GALM: variants seen among roughly 807,000 people sequenced by gnomAD.
GALM encodes the protein aldose 1-epimerase.
A neutral mutation model predicts 37.4 loss-of-function variants in GALM; 43 were observed. The ratio of observed to expected loss-of-function variants is 1.15; its 90% confidence interval spans 0.90 to 1.48. The LOEUF (loss-of-function observed/expected upper bound fraction) is 1.48, where lower values mean the gene tolerates loss of function less well. GALM is among the 40% of genes most tolerant of loss of function. The pLI, the probability that GALM is intolerant of heterozygous loss-of-function variation, is 0.00. For missense variants in GALM, 456 were observed against 419.1 expected (o/e 1.09, Z -0.77); for synonymous variants, 199 against 170.6 (o/e 1.17, Z -1.30).
intron 3 of GALM, among the ~76,000 whole-genome samples, chr2:38,686,505 C>A (rs13408331): frequency 2.4e-4 from 36 of 151,856 alleles, no homozygotes; most frequent in African/African-American, 8.5e-4. Flanking sequence ...ACCTCGTGAT[C>A]CACCCACCTT....
chr2:38,708,580 A>G (rs1666088284), intron 4 of GALM, among the ~76,000 whole-genome samples: 1 of 152,042 alleles, frequency 6.6e-6, no homozygotes, highest in Admixed American at 6.6e-5. Flanking sequence ...CCTCTACTAA[A>G]AATATGAAAA....
rs12053396 is a variant in GALM at position 38,696,851 on chromosome 2, G to A, written c.634+6957G>A. 1.0e-3 allele frequency among the ~76,000 whole-genome samples: 142 copies of A among 141,904 alleles called. 5 individuals carry two copies. In the East Asian group the frequency reaches 0.03, roughly 30 times the overall value. The allele number at this position is 141,904 out of a possible 152,430, so 93.1% of individuals were successfully genotyped here. A position where few individuals can be genotyped will look rare whatever the true frequency, so the allele number is the denominator to read the frequency against. ...GTCAACCAGGCTGGAGTGCAGTGGCGCGATCTCAGCTCACTGTAACCTCTG... is the reference window on the plus strand; with the variant it reads ...GTCAACCAGGCTGGAGTGCAGTGGCACGATCTCAGCTCACTGTAACCTCTG... On this transcript the variant is annotated intron_variant, in intron 4 of 6. Coordinates refer to ENST00000272252, the MANE Select transcript of GALM (RefSeq NM_138801.3).
At chr2:38,725,465 G>A (rs1666466199) in intron 4 of GALM, among the ~76,000 whole-genome samples, 1 of 151,812 alleles carries the variant, frequency 6.6e-6, no homozygotes, top group Non-Finnish European at 1.5e-5. Flanking sequence ...GAGCCTGGCA[G>A]GTCGAGGCTG....
intron 1 of GALM, among the ~76,000 whole-genome samples, chr2:38,672,029 G>C (rs1185615706): frequency 5.3e-5 from 8 of 151,512 alleles, no homozygotes; most frequent in African/African-American, 1.7e-4. Context: ...ATAATTATGG[G>C]GAAAAAAAAA....
intron 3 of GALM, among the ~76,000 whole-genome samples, chr2:38,682,877 C>A (rs1665428920): frequency 1.4e-5 from 2 of 143,386 alleles, no homozygotes; most frequent in Middle Eastern, 3.4e-3. Context: ...GCCTGAGCAA[C>A]AAGAGTGAAA....
rs1306164486 is a variant in GALM, at chr2:38,673,522, C to G, written c.191-2390C>G. On this transcript the variant is annotated intron_variant, in intron 1 of 6. Transcript: ENST00000272252. ...TACAGCCCCTCCCCTAAAAAGGCCCCAAACAGTTTATGCTGATTATTATAC... is the reference window on the plus strand; with the variant it reads ...TACAGCCCCTCCCCTAAAAAGGCCCGAAACAGTTTATGCTGATTATTATAC... Among the ~76,000 whole-genome samples, 3 of 152,100 alleles carry G rather than the reference C, an allele frequency of 2.0e-5. No homozygotes were observed. The East Asian group carries it at 5.8e-4, about 29-fold the overall frequency.
intron 4 of GALM, among the ~76,000 whole-genome samples, chr2:38,703,799 G>T (rs1354345671): frequency 6.6e-6 from 1 of 152,054 alleles, no homozygotes; most frequent in Non-Finnish European, 1.5e-5. Context: ...GATTGCCTGA[G>T]ATCAGGAGTT....
intron 5 of GALM, 33 bp from the exon 6 acceptor site, chr2:38,731,702 C>T: frequency 6.3e-7 from 1 of 1,587,082 alleles, no homozygotes; most frequent in Non-Finnish European, 8.6e-7. Context: ...TGCTTTTCTG[C>T]CCTGGACTCA....
At chr2:38,684,527 C>G (rs772220903) in intron 3 of GALM, among the ~76,000 whole-genome samples, 1 of 152,140 alleles carries the variant, frequency 6.6e-6, no homozygotes, top group Non-Finnish European at 1.5e-5. Flanking sequence ...AACAAACAGG[C>G]TGGGTGCGGC....
chr2:38,676,435 CTG>C (rs1341213763), intron 2 of GALM, among the ~76,000 whole-genome samples: 1 of 152,144 alleles, frequency 6.6e-6, no homozygotes, highest in Non-Finnish European at 1.5e-5. Context: ...TACTAAAACT[CTG>C]TGTTATCACT....
At chr2:38,719,328 G>A (rs1030803467) in intron 4 of GALM, among the ~76,000 whole-genome samples, 46 of 151,804 alleles carry the variant, frequency 3.0e-4, no homozygotes, top group African/African-American at 9.9e-4. Context: ...AAATTAGCCA[G>A]GCGTGGTGGC....
At chr2:38,701,666 A>G (rs1257993127) in intron 4 of GALM, among the ~76,000 whole-genome samples, 1 of 152,184 alleles carries the variant, frequency 6.6e-6, no homozygotes, top group Non-Finnish European at 1.5e-5. Flanking sequence ...TTTGTATTTT[A>G]TTTCAACCTC....
chr2:38,711,823 A>G (rs1230794225), intron 4 of GALM, among the ~76,000 whole-genome samples: 15 of 85,736 alleles, frequency 1.7e-4, no homozygotes, highest in African/African-American at 4.3e-4. Context: ...CATCATCACT[A>G]TCACCACCAT....
chr2:38,712,170 G>A (rs965970057), intron 4 of GALM, among the ~76,000 whole-genome samples: 6 of 151,996 alleles, frequency 3.9e-5, no homozygotes, highest in African/African-American at 7.3e-5. Context: ...TGGATTCCTG[G>A]TTCTGTCATC....
At position 38,733,691 on chromosome 2, in the gene GALM, G is replaced by A. The variant is rs1292657379; in HGVS notation, c.*126G>A. 3 of 766,630 alleles carry A rather than the reference G, an allele frequency of 3.9e-6. No homozygotes were observed. Among genetic ancestry groups the A allele is most frequent in the Admixed American group, 4.0e-5 (2 of 50,130 alleles). The allele number at this position is 766,630 out of a possible 1,614,324, so 47.5% of individuals were successfully genotyped here. A position where few individuals can be genotyped will look rare whatever the true frequency, so the allele number is the denominator to read the frequency against. ...GATTAAAATCATACAAATGGTGGCT[G>A]TTCTGAGAATCAGTCTGGGTATTGA... On this transcript the variant is annotated 3_prime_UTR_variant, in exon 7 of 7. Coordinates refer to ENST00000272252, the MANE Select transcript of GALM (RefSeq NM_138801.3).
chr2:38,720,625 A>C (rs925961234), intron 4 of GALM, among the ~76,000 whole-genome samples: 1 of 151,828 alleles, frequency 6.6e-6, no homozygotes, highest in Non-Finnish European at 1.5e-5. Context: ...ATTGGCGGGG[A>C]ATTTAGACAG....
chr2:38,710,907 C>T (rs556652121), intron 4 of GALM, among the ~76,000 whole-genome samples: 20 of 151,586 alleles, frequency 1.3e-4, no homozygotes, highest in Admixed American at 1.3e-3. Context: ...GTGCCTGCCA[C>T]CACACCCAGC....
chr2:38,680,100 C>T (rs950813998), intron 2 of GALM: 11 of 451,562 alleles, frequency 2.4e-5, no homozygotes, highest in Non-Finnish European at 4.9e-5. Context: ...CTCACTGCAG[C>T]CTCAACCTCC....
rs1666614959 is a variant in GALM at position 38,731,783 on chromosome 2, G to A, written c.825G>A (p.Gln275=). 2.5e-6 allele frequency: 4 copies of A among 1,614,052 alleles called. No homozygotes were observed. The highest frequency in any genetic ancestry group is 3.4e-6 in the Non-Finnish European group (4 of 1,179,984). ...GGGTACTAGAAGTATACACCACCCA[G>A]CCCGGGGTCCAGTTTTACACGGGCA... is the stretch of plus-strand genomic sequence containing the variant. The part of the protein sequence containing the change: ...SGRVLEVYTT[Q]PGVQFYTGNF... Residue 275 remains glutamine (Q), a synonymous_variant, in exon 6 of 7, where the codon CAG becomes CAA. Transcript: ENST00000272252.
Sources: gnomAD v4.1 joint callset for allele counts (sites outside exome capture counted in the v4.1 genomes callset) on GRCh38, gnomAD v4.1.1 for gene constraint, MANE v1.5 for transcripts, NCBI Gene and HGNC (gene_info 2026-07-23, HGNC 2026-07-21) for gene names.